The following SPATA22 variants were observed in gnomAD, a reference collection of about 807,000 sequenced individuals.
SPATA22 encodes the protein spermatogenesis associated 22, also known as spermatogenesis-associated protein 22.
A neutral mutation model predicts 47.8 loss-of-function variants in SPATA22; 29 were observed. That is an observed-to-expected ratio of 0.61 (90% CI 0.45 to 0.83). The LOEUF (loss-of-function observed/expected upper bound fraction) is 0.83. Ranked by LOEUF, SPATA22 falls within the 40% of genes least tolerant of loss-of-function variation. The pLI, the probability that SPATA22 is intolerant of heterozygous loss-of-function variation, is 0.00. For synonymous variants in SPATA22, 133 were observed against 140.9 expected (o/e 0.94, Z 0.40); for missense variants, 410 against 421.7 (o/e 0.97, Z 0.24).
At chr17:3,502,651 T>A (rs1413268463) in intron 1 of SPATA22, 1 of 152,230 alleles carries the variant, frequency 6.6e-6, no homozygotes, top group Admixed American at 6.5e-5. Context: ...CCACAAACAG[T>A]AACCCACACA....
upstream of SPATA22, among the ~76,000 whole-genome samples, chr17:3,473,011 T>G (rs2073467206): frequency 6.6e-6 from 1 of 150,978 alleles, no homozygotes; most frequent in African/African-American, 2.4e-5. Context: ...AAAACATGAA[T>G]AGAAGCTTCA....
At chr17:3,503,342 T>C (rs1254930484) in intron 1 of SPATA22, 1 of 152,188 alleles carries the variant, frequency 6.6e-6, no homozygotes, top group Non-Finnish European at 1.5e-5. Flanking sequence ...TTTTTCAGCA[T>C]TTTTTTCTAT....
intron 5 of SPATA22, among the ~76,000 whole-genome samples, chr17:3,449,377 A>G (rs968500920): frequency 1.3e-5 from 2 of 152,192 alleles, no homozygotes; most frequent in Non-Finnish European, 2.9e-5. Flanking sequence ...CCAAAGTCAT[A>G]CAGGAAATTA....
intron 1 of SPATA22, chr17:3,494,252 A>T (rs2073873797): frequency 8.1e-6 from 7 of 869,104 alleles, no homozygotes; most frequent in Non-Finnish European, 1.2e-5. Context: ...GATCCACCCA[A>T]CTCGGCCTCC....
chr17:3,484,989 C>G (rs2073694530), intron 1 of SPATA22, among the ~76,000 whole-genome samples: 1 of 152,074 alleles, frequency 6.6e-6, no homozygotes, highest in African/African-American at 2.4e-5. Context: ...ACAATTCTAA[C>G]TTATAAATGA....
At chr17:3,512,459 T>C (rs1567626265) in intron 1 of SPATA22, 3 of 152,346 alleles carry the variant, frequency 2.0e-5, no homozygotes, top group East Asian at 3.9e-4. Flanking sequence ...GCCCCGACTC[T>C]TCAGTTTGCC....
chr17:3,442,162 T>A (rs1171735597), intron 8 of SPATA22, among the ~76,000 whole-genome samples: 16 of 152,030 alleles, frequency 1.1e-4, no homozygotes, highest in African/African-American at 2.2e-4. Flanking sequence ...AAAGTTTTTT[T>A]AAAAAACTTC....
At chr17:3,484,989 CTT>C (rs2073694566) in intron 1 of SPATA22, among the ~76,000 whole-genome samples, 1 of 152,074 alleles carries the variant, frequency 6.6e-6, no homozygotes, top group Non-Finnish European at 1.5e-5. Context: ...ACAATTCTAA[CTT>C]ATAAATGATC....
intron 1 of SPATA22, among the ~76,000 whole-genome samples, chr17:3,479,108 G>A (rs528549740): frequency 6.6e-6 from 1 of 152,248 alleles, no homozygotes; most frequent in East Asian, 1.9e-4. Context: ...CTCCCCTGCT[G>A]AAAATTCTTT....
At chr17:3,453,998 G>C (rs952979907) in intron 5 of SPATA22, among the ~76,000 whole-genome samples, 1 of 151,958 alleles carries the variant, frequency 6.6e-6, no homozygotes, top group South Asian at 2.1e-4. Context: ...TTAAGAAACT[G>C]TTAGAACTAA....
chr17:3,480,382 G>A (rs2073606684), intron 1 of SPATA22, among the ~76,000 whole-genome samples: 1 of 152,228 alleles, frequency 6.6e-6, no homozygotes, highest in Non-Finnish European at 1.5e-5. Context: ...TGGTGGGTAG[G>A]GGGCCAGTGA....
chr17:3,501,370 G>A (rs993046035), intron 1 of SPATA22: 1 of 152,118 alleles, frequency 6.6e-6, no homozygotes. Flanking sequence ...CAACCCTCTT[G>A]GATGACTCTG....
chr17:3,490,819 T>C lies in SPATA22; in HGVS notation c.-73-21421A>G, dbSNP rs1597440973. Among the ~76,000 whole-genome samples the C allele has an allele frequency of 6.6e-6, 1 of 152,186 alleles. No individual in the cohort carries two copies. The highest frequency in any genetic ancestry group is 6.5e-5 in the Admixed American group (1 of 15,276). Reference sequence around the variant, plus strand: ...TTTCAGATCATAGTCCATAGAATCCTATCACAACGGTGGAGAAAAGCAGTT... The same window carrying C: ...TTTCAGATCATAGTCCATAGAATCCCATCACAACGGTGGAGAAAAGCAGTT... On this transcript the variant is annotated intron_variant, in intron 1 of 8. Coordinates refer to the SPATA22 transcript ENST00000541913. The surrounding 1 kb of genome is among the most constrained non-coding windows in gnomAD (Gnocchi z 4.6).
At chr17:3,444,145 A>G (rs1385932305) in intron 7 of SPATA22, among the ~76,000 whole-genome samples, 2 of 152,046 alleles carry the variant, frequency 1.3e-5, no homozygotes, top group East Asian at 3.8e-4. Context: ...AGCATTATTC[A>G]TTTATTTAAT....
chr17:3,507,256 C>G (rs577455661), intron 1 of SPATA22, among the ~76,000 whole-genome samples: 9 of 151,848 alleles, frequency 5.9e-5, no homozygotes, highest in Non-Finnish European at 8.8e-5. Context: ...AACAGAAAAC[C>G]GATGAAAGAA....
chr17:3,497,937 G>A (rs1442111147), intron 1 of SPATA22, among the ~76,000 whole-genome samples: 3 of 152,114 alleles, frequency 2.0e-5, no homozygotes, highest in Non-Finnish European at 4.4e-5. Flanking sequence ...CTGTTCTGGG[G>A]TTCCCGTGGT....
chr17:3,481,612 G>A (rs2073628727), intron 1 of SPATA22: 1 of 1,613,252 alleles, frequency 6.2e-7, no homozygotes, highest in South Asian at 1.1e-5. Flanking sequence ...GCAAAAAAAT[G>A]TCAGAAGATT....
rs1449136902 is a variant in SPATA22, at chr17:3,440,288, G to A, written c.951C>T (p.Gly317=). 6.2e-7 allele frequency: 1 copy of A among 1,607,886 alleles called. No homozygotes were observed. The highest frequency in any genetic ancestry group is 2.2e-5 in the East Asian group (1 of 44,654). The change falls in exon 9 of 9, where the codon GGC becomes GGT. Residue 317 remains glycine (G), a synonymous_variant. Transcript: ENST00000572969. ...AAATGTTCTTTTTCTGGTCATAGTT[G>A]CCAACACATCTATGAACTCGGCCTC... The part of the protein sequence containing the change: ...LIRGRVHRCV[G]NYDQKKNIFQ...
At position 3,462,704 on chromosome 17, in the gene SPATA22, T is replaced by C. The variant is rs2073154416; in HGVS notation, c.233+3A>G. The C allele has an allele frequency of 1.2e-6, 2 of 1,610,926 alleles. No homozygotes were observed. Among genetic ancestry groups the C allele is most frequent in the Admixed American group, 3.3e-5 (2 of 60,002 alleles). ...ATCCAATGGTTTATATTTCTCCACA[T>C]ACCCGGTGTCCACTGTTTTCATTAC... On this transcript the variant is annotated splice_donor_region_variant and intron_variant, in intron 4 of 8. Coordinates refer to ENST00000572969, the MANE Select transcript of SPATA22 (RefSeq NM_001170698.2).
Sources: allele counts gnomAD v4.1 joint callset (sites outside exome capture counted in the v4.1 genomes callset), GRCh38; gene constraint gnomAD v4.1.1; non-coding constraint Gnocchi (gnomAD v3.1); transcripts MANE v1.5; gene names NCBI Gene and HGNC (gene_info 2026-07-23, HGNC 2026-07-21).